Variants in ANKRD11 observed in about 807,000 individuals in gnomAD.
ANKRD11 encodes the protein ankyrin repeat domain 11.
In ANKRD11, 17 loss-of-function variants were observed where a neutral mutation model predicts 195.7. The observed-to-expected ratio is 0.09, with a 90% CI of 0.06 to 0.13. The LOEUF is 0.13. Among genes scored for constraint, ANKRD11 ranks in the 10% least tolerant of loss-of-function variants. ANKRD11 has a pLI of 1.00. For missense variants in ANKRD11, 3,735 were observed against 3,566.1 expected, an observed-to-expected ratio of 1.05 and a Z score of -1.21; for synonymous variants, 1,953 against 1,528.1, an observed-to-expected ratio of 1.28 and a Z score of -6.49.
At chr16:89,325,469 T>TCTCTCTCA (rs57249774) in intron 2 of ANKRD11, among the ~76,000 whole-genome samples, 6 of 147,640 alleles carry the variant, frequency 4.1e-5, no homozygotes, top group African/African-American at 1.0e-4. Flanking sequence ...TCTCTCTCTC[T>TCTCTCTCA]CACACACACA....
At position 89,279,738 on chromosome 16, in the gene ANKRD11, G is replaced by C. The variant is rs755663536; in HGVS notation, c.6804C>G (p.Leu2268=). 4.6e-6 allele frequency: 7 copies of C among 1,531,844 alleles called. No homozygotes were observed. The highest frequency in any genetic ancestry group is 1.4e-5 in the African/African-American group (1 of 73,080). The allele number at this position is 1,531,844 out of a possible 1,614,324, so 94.9% of individuals were successfully genotyped here. A position where few individuals can be genotyped will look rare whatever the true frequency, so the allele number is the denominator to read the frequency against. Residue 2268 remains leucine, a synonymous_variant, in exon 9 of 13, where the codon CTC becomes CTG. Coordinates refer to ENST00000301030, the MANE Select transcript of ANKRD11 (RefSeq NM_013275.6). The surrounding 1 kb of genome is among the most constrained non-coding windows in gnomAD (Gnocchi z 5.6). Reference sequence around the variant, plus strand: ...TCGGGGCGGGGCCGTCAGGGGCACAGAGGGACGCGGCGGGGGGGCCTTCAG... The same window carrying C: ...TCGGGGCGGGGCCGTCAGGGGCACACAGGGACGCGGCGGGGGGGCCTTCAG... ...AEAEGPPAAS[L]CAPDGPAPNT... is the part of the protein sequence containing the mutation.
intron 6 of ANKRD11, 27 bp from the exon 7 acceptor site, chr16:89,288,697 T>C (rs1318388063): frequency 3.7e-6 from 6 of 1,613,626 alleles, no homozygotes. Flanking sequence ...AGGACGTACG[T>C]TATTTAATCC....
chr16:89,280,402 G>T lies in ANKRD11; in HGVS notation c.6140C>A (p.Ala2047Asp), dbSNP rs199691161. 2 of 1,560,672 alleles carry T rather than the reference G, an allele frequency of 1.3e-6. No homozygotes were observed. Among genetic ancestry groups the T allele is most frequent in the Admixed American group, 1.8e-5 (1 of 54,286 alleles). Residue 2047 changes from alanine to aspartate, a missense_variant, in exon 9 of 13, where the codon GCC (alanine) becomes GAC (aspartate). Transcript: ENST00000301030. The part of the protein sequence containing the change: ...VKDGVDAVPA[A>D]ISTSEAAPYA... ...GGGAGCCGCCTCTGAGGTGGAGATG[G>T]CGGCGGGGACGGCGTCCACTCCGTC...
At chr16:89,390,303 A>G (rs1049765527) in intron 2 of ANKRD11, among the ~76,000 whole-genome samples, 1 of 148,628 alleles carries the variant, frequency 6.7e-6, no homozygotes, top group Non-Finnish European at 1.5e-5. Context: ...TGGGGCGAAC[A>G]CCGAGTGTGG....
At chr16:89,458,605 A>C (rs181321841) in intron 1 of ANKRD11, among the ~76,000 whole-genome samples, 7 of 152,336 alleles carry the variant, frequency 4.6e-5, no homozygotes, top group Admixed American at 3.9e-4. Flanking sequence ...TTGCAGTTCC[A>C]CTGGAAGGCT....
At chr16:89,328,028 C>A (rs1399160956) in intron 2 of ANKRD11, among the ~76,000 whole-genome samples, 1 of 152,172 alleles carries the variant, frequency 6.6e-6, no homozygotes, top group Non-Finnish European at 1.5e-5. Context: ...TATCAAACAA[C>A]AAACATTAAT....
intron 3 of ANKRD11, among the ~76,000 whole-genome samples, chr16:89,315,617 C>T (rs1567631641): frequency 6.6e-6 from 1 of 152,232 alleles, no homozygotes; most frequent in Non-Finnish European, 1.5e-5. Flanking sequence ...GGCTGCAAGC[C>T]ATGGAACCCA....
In ANKRD11 at chr16:89,268,547, C is replaced by A; in HGVS notation, c.7923G>T (p.Val2641=). 6.7e-7 allele frequency: 1 copy of A among 1,501,134 alleles called. No individual in the cohort carries two copies. Among genetic ancestry groups the A allele is most frequent in the East Asian group, 2.5e-5 (1 of 40,766 alleles). The allele number at this position is 1,501,134 out of a possible 1,614,324, so 93.0% of individuals were successfully genotyped here. ...LDPAGHKSLC[V]NEVPSFYVPM... The stretch of plus-strand genomic sequence containing the variant: ...GCACGTAGAAGGAGGGCACCTCGTT[C>A]ACGCACAGGGACTTGTGCCCGGCGG... Residue 2641 remains valine (V), a synonymous_variant, in exon 13 of 13, where the codon GTG becomes GTT. Transcript: ENST00000301030.
chr16:89,335,773 G>C (rs1298330830), intron 2 of ANKRD11, among the ~76,000 whole-genome samples: 1 of 152,190 alleles, frequency 6.6e-6, no homozygotes, highest in African/African-American at 2.4e-5. Flanking sequence ...GACAGTGAGA[G>C]GCCCCAGTGT....
chr16:89,404,431 G>C (rs951211502), intron 2 of ANKRD11, among the ~76,000 whole-genome samples: 1 of 152,186 alleles, frequency 6.6e-6, no homozygotes. Context: ...CTCCTGCTAG[G>C]AAAAATTTTC....
intron 4 of ANKRD11, among the ~76,000 whole-genome samples, chr16:89,302,156 T>A (rs2035895501): frequency 6.6e-6 from 1 of 152,202 alleles, no homozygotes; most frequent in Non-Finnish European, 1.5e-5. Context: ...CAAGAACGGC[T>A]CCTCTGGGGG....
At position 89,273,773 on chromosome 16, in the gene ANKRD11, A is replaced by G. The variant is rs543605943; in HGVS notation, c.7713+1041T>C. On this transcript the variant is annotated intron_variant, in intron 11 of 12. Coordinates refer to ENST00000301030, the MANE Select transcript of ANKRD11 (RefSeq NM_013275.6). ...AAAATACATCCCCAAAGAAAGGAAG[A>G]TCTTTAATGCACAAAGAGATGTTTT... 1.5e-4 allele frequency among the ~76,000 whole-genome samples: 23 copies of G among 152,364 alleles called. 1 individual carries two copies. The South Asian group carries it at 4.8e-3, about 32-fold the overall frequency.
intron 2 of ANKRD11, among the ~76,000 whole-genome samples, chr16:89,364,911 G>A (rs1017623400): frequency 6.6e-6 from 1 of 152,198 alleles, no homozygotes. Context: ...ATCGAATGCT[G>A]AATACCTGTG....
intron 2 of ANKRD11, among the ~76,000 whole-genome samples, chr16:89,383,123 G>C (rs1379589768): frequency 6.6e-6 from 1 of 152,244 alleles, no homozygotes; most frequent in African/African-American, 2.4e-5. Flanking sequence ...GGGTGTGCTG[G>C]CTCATGCGGA....
At chr16:89,339,637 A>T (rs192473361) in intron 2 of ANKRD11, among the ~76,000 whole-genome samples, 10 of 152,352 alleles carry the variant, frequency 6.6e-5, no homozygotes, top group Admixed American at 1.3e-4. Flanking sequence ...AATTAGCAAT[A>T]GCTAATGTTT....
At chr16:89,313,370 C>T (rs1567627371) in intron 3 of ANKRD11, 1 of 1,287,880 alleles carries the variant, frequency 7.8e-7, no homozygotes, top group East Asian at 5.5e-5. Flanking sequence ...CTTCCCGAGG[C>T]AGCTCAGCGG....
At chr16:89,319,625 C>A (rs2037182964) in intron 2 of ANKRD11, among the ~76,000 whole-genome samples, 2 of 152,242 alleles carry the variant, frequency 1.3e-5, no homozygotes, top group African/African-American at 4.8e-5. Flanking sequence ...CCAGCCCCCG[C>A]CTCTCCATGA....
chr16:89,296,107 G>A (rs1411980564), intron 4 of ANKRD11, among the ~76,000 whole-genome samples: 1 of 145,910 alleles, frequency 6.9e-6, no homozygotes, highest in African/African-American at 2.6e-5. Context: ...TCCCACTTCA[G>A]CCTCAGGAGT....
chr16:89,322,348 G>A (rs1034233468), intron 2 of ANKRD11, among the ~76,000 whole-genome samples: 1 of 152,196 alleles, frequency 6.6e-6, no homozygotes, highest in Non-Finnish European at 1.5e-5. Flanking sequence ...AGGCCTTTAC[G>A]TACGTCCTGG....
Sources: allele counts gnomAD v4.1 joint callset (sites outside exome capture counted in the v4.1 genomes callset), GRCh38; gene constraint gnomAD v4.1.1; non-coding constraint Gnocchi (gnomAD v3.1); transcripts MANE v1.5; gene names NCBI Gene and HGNC (gene_info 2026-07-23, HGNC 2026-07-21).